Variants in ZNF366 observed in about 807,000 individuals in gnomAD.
ZNF366 encodes zinc finger protein 366, also known as dendritic cell-specific transcript protein.
A neutral mutation model predicts 47.2 loss-of-function variants in ZNF366; 20 were observed. That is an observed-to-expected ratio of 0.42 (90% CI 0.30 to 0.62). ZNF366 has a LOEUF of 0.62. Among genes scored for constraint, ZNF366 ranks in the 20% least tolerant of loss-of-function variants. The pLI, the probability that ZNF366 is intolerant of heterozygous loss-of-function variation, is 0.16. For synonymous variants in ZNF366, 421 were observed against 395.1 expected (o/e 1.07, Z -0.78); for missense variants, 987 against 976.3 (o/e 1.01, Z -0.15).
chr5:72,494,195 C>T (rs1446441625), intron 1 of ZNF366: 2 of 152,306 alleles, frequency 1.3e-5, no homozygotes, highest in Middle Eastern at 3.4e-3. Context: ...CATCTACATA[C>T]AGACTTTTTG....
At chr5:72,465,893 T>G (rs572374696) in intron 1 of ZNF366, among the ~76,000 whole-genome samples, 1 of 152,364 alleles carries the variant, frequency 6.6e-6, no homozygotes, top group Admixed American at 6.5e-5. Flanking sequence ...AGGTTTGATT[T>G]TCTCATTCAT....
At chr5:72,477,876 A>G (rs537775371) in intron 1 of ZNF366, among the ~76,000 whole-genome samples, 1 of 152,292 alleles carries the variant, frequency 6.6e-6, no homozygotes, top group South Asian at 2.1e-4. Context: ...TTATTTACAA[A>G]AAAAAAAAGT....
intron 1 of ZNF366, among the ~76,000 whole-genome samples, chr5:72,478,643 A>G (rs1743723636): frequency 6.6e-6 from 1 of 152,266 alleles, no homozygotes; most frequent in Non-Finnish European, 1.5e-5. Context: ...AGAAAAGAAA[A>G]GGAAACCCTG....
At chr5:72,474,502 A>G (rs1743631910) in intron 1 of ZNF366, among the ~76,000 whole-genome samples, 1 of 152,206 alleles carries the variant, frequency 6.6e-6, no homozygotes, top group South Asian at 2.1e-4. Context: ...CTGTGAAAAT[A>G]AAAAAGGACA....
chr5:72,501,406 C>T (rs985739190), intron 1 of ZNF366, among the ~76,000 whole-genome samples: 2 of 152,168 alleles, frequency 1.3e-5, no homozygotes, highest in African/African-American at 4.8e-5. Flanking sequence ...CCTAGAACCC[C>T]AATGTTGTTA....
chr5:72,460,981 C>T lies in ZNF366; in HGVS notation c.516G>A (p.Thr172=), dbSNP rs149194101. 4 of 1,613,520 alleles carry T rather than the reference C, an allele frequency of 2.5e-6. No homozygotes were observed. The highest frequency in any genetic ancestry group is 2.7e-5 in the African/African-American group (2 of 74,848). The change falls in exon 2 of 5, where the codon ACG becomes ACA. Residue 172 remains threonine, a synonymous_variant. Transcript: ENST00000318442. Reference sequence around the variant, plus strand: ...GGACTTTGGGGTAGTAGGGGTAGGGCGTGGGCAGGAATGGAGTGGGCGTTG... The same window carrying T: ...GGACTTTGGGGTAGTAGGGGTAGGGTGTGGGCAGGAATGGAGTGGGCGTTG... ...PQPTPTPFLP[T]PYPYYPKVHP...
intron 1 of ZNF366, chr5:72,494,115 T>G (rs1561204712): frequency 2.6e-5 from 4 of 152,050 alleles, no homozygotes; most frequent in African/African-American, 9.7e-5. Flanking sequence ...TACTGTAACA[T>G]AAACGTAACA....
chr5:72,461,963 T>C (rs542642044), intron 1 of ZNF366, among the ~76,000 whole-genome samples: 8 of 152,300 alleles, frequency 5.3e-5, no homozygotes, highest in African/African-American at 1.7e-4. Flanking sequence ...TCAATCTGAG[T>C]TGTAATTACA....
intron 1 of ZNF366, chr5:72,472,494 T>C: frequency 1.0e-6 from 1 of 968,972 alleles, no homozygotes; most frequent in Non-Finnish European, 1.2e-6. Context: ...TACCAGTGGG[T>C]TCTGTAGAAC....
chr5:72,487,171 T>C (rs527272415), intron 1 of ZNF366, among the ~76,000 whole-genome samples: 11 of 152,256 alleles, frequency 7.2e-5, no homozygotes, highest in Non-Finnish European at 1.5e-4. Context: ...TAGGCATATA[T>C]AATGCTACCG....
intron 2 of ZNF366, among the ~76,000 whole-genome samples, 154 bp downstream of exon 2, chr5:72,460,011 C>T (rs906946215): frequency 3.3e-5 from 5 of 152,238 alleles, no homozygotes; most frequent in Admixed American, 2.6e-4. Context: ...GAGGAAGGAC[C>T]TCAGGGCTCG....
At chr5:72,474,986 C>T (rs1159484414) in intron 1 of ZNF366, among the ~76,000 whole-genome samples, 2 of 152,118 alleles carry the variant, frequency 1.3e-5, no homozygotes, top group Non-Finnish European at 2.9e-5. Flanking sequence ...AATTGTTTCT[C>T]TTGAACTTTT....
Position 72,442,045 on chromosome 5 carries a change from G to A in ZNF366, c.*1711C>T, listed in dbSNP as rs1050823589. On this transcript the variant is annotated 3_prime_UTR_variant, in exon 5 of 5. Transcript: ENST00000318442. The stretch of plus-strand genomic sequence containing the variant: ...TAATGAGTCACCATAGGCCAGTCAT[G>A]CATTTTTTAAACATAGTAAGTGACC... The A allele has an allele frequency of 2.5e-5, 1 of 39,980 alleles. No individual in the cohort carries two copies. Among genetic ancestry groups the A allele is most frequent in the African/African-American group, 8.7e-5 (1 of 11,462 alleles). 2.5% of individuals were successfully genotyped at this position (39,980 alleles called of 1,614,324 possible).
In ZNF366 at chr5:72,444,223, GCTC is replaced by G. The variant is rs766050717; in HGVS notation, c.1765_1767del (p.Glu589del). 15 of 1,613,380 alleles carry G rather than the reference GCTC, an allele frequency of 9.3e-6. No individual in the cohort carries two copies. The highest frequency in any genetic ancestry group is 1.3e-5 in the Non-Finnish European group (15 of 1,180,040). ...CGGCGCTTCTGAGAGAGGTCAAAGG[GCTC>G]CTCCTGCTCCAGACTCCTCAGGACA... On this transcript the variant is annotated inframe_deletion, in exon 5 of 5. Transcript: ENST00000318442.
rs1231417357 is a variant in ZNF366 at position 72,441,295 on chromosome 5, T to A, written c.*2461A>T. The A allele has an allele frequency of 6.6e-6, 1 of 152,056 alleles. No individual in the cohort carries two copies. The highest frequency in any genetic ancestry group is 6.5e-5 in the Admixed American group (1 of 15,268). The allele number at this position is 152,056 out of a possible 1,614,324, so 9.4% of individuals were successfully genotyped here. A position where few individuals can be genotyped will look rare whatever the true frequency, so the allele number is the denominator to read the frequency against. ...AGGACGTGTGGTCAAACACAGCACA[T>A]AGTAGGTCCTCAACACATGGCCGCA... On this transcript the variant is annotated 3_prime_UTR_variant, in exon 5 of 5. Coordinates refer to ENST00000318442, the MANE Select transcript of ZNF366 (RefSeq NM_152625.3).
chr5:72,491,134 ACTC>A (rs1329558284), intron 1 of ZNF366, among the ~76,000 whole-genome samples: 1 of 152,056 alleles, frequency 6.6e-6, no homozygotes, highest in East Asian at 1.9e-4. Flanking sequence ...GTTAGAAAGA[ACTC>A]CTAGACATTC....
At chr5:72,486,375 C>T (rs1049395431) in intron 1 of ZNF366, among the ~76,000 whole-genome samples, 2 of 152,184 alleles carry the variant, frequency 1.3e-5, no homozygotes, top group Non-Finnish European at 2.9e-5. Flanking sequence ...TCCTTGCACT[C>T]AGATTGGCTG....
At position 72,460,041 on chromosome 5, in the gene ZNF366, G is replaced by T. The variant is rs978290384; in HGVS notation, c.1332+124C>A. 24 of 1,325,804 alleles carry T rather than the reference G, an allele frequency of 1.8e-5. No homozygotes were observed. The African/African-American group carries it at 3.3e-4, about 18-fold the overall frequency. 82.1% of individuals were successfully genotyped at this position (1,325,804 alleles called of 1,614,324 possible). A position where few individuals can be genotyped will look rare whatever the true frequency, so the allele number is the denominator to read the frequency against. On this transcript the variant is annotated intron_variant, in intron 2 of 4. Coordinates refer to ENST00000318442, the MANE Select transcript of ZNF366 (RefSeq NM_152625.3). ...GGCTCGGCCAAGGGACCGCTTGTCC[G>T]GGGTTGCCCACCTCCTCGGGGTAAG...
intron 1 of ZNF366, among the ~76,000 whole-genome samples, chr5:72,502,100 A>G (rs1316877513): frequency 6.6e-6 from 1 of 152,120 alleles, no homozygotes. Context: ...CTTTCATTCT[A>G]CAGCCCACTG....
Sources: gnomAD v4.1 joint callset for allele counts (sites outside exome capture counted in the v4.1 genomes callset) on GRCh38, gnomAD v4.1.1 for gene constraint, MANE v1.5 for transcripts, NCBI Gene and HGNC (gene_info 2026-07-23, HGNC 2026-07-21) for gene names.